Variants in RFX3 observed in about 807,000 individuals in gnomAD.
The protein encoded by RFX3 is regulatory factor X3.
A neutral mutation model predicts 98.6 loss-of-function variants in RFX3; 14 were observed. The ratio of observed to expected loss-of-function variants is 0.14; its 90% CI spans 0.09 to 0.22. The LOEUF is 0.22. RFX3 is among the 10% of genes least tolerant of loss of function. The pLI, the probability that RFX3 is intolerant of heterozygous loss-of-function variation, is 1.00. For missense variants in RFX3, 639 were observed against 926.9 expected, an observed-to-expected ratio of 0.69 and a Z score of 4.03; for synonymous variants, 383 against 328.4, an observed-to-expected ratio of 1.17 and a Z score of -1.80.
intron 14 of RFX3, among the ~76,000 whole-genome samples, chr9:3,248,761 C>G (rs970992428): frequency 3.9e-5 from 6 of 152,118 alleles, no homozygotes; most frequent in African/African-American, 1.4e-4. Context: ...TTTCCAGTTT[C>G]TTAATGATTT....
intron 15 of RFX3, among the ~76,000 whole-genome samples, chr9:3,239,752 G>T (rs953893011): frequency 1.3e-5 from 2 of 152,226 alleles, no homozygotes. Context: ...ACTCTGCTTT[G>T]TGTTTTCCAT....
At chr9:3,311,940 C>T (rs1360563050) in intron 4 of RFX3, among the ~76,000 whole-genome samples, 1 of 152,122 alleles carries the variant, frequency 6.6e-6, no homozygotes, top group Non-Finnish European at 1.5e-5. Context: ...ACAATGGAGA[C>T]TCTGTCCCCA....
At chr9:3,492,468 T>C (rs2133525764) in intron 1 of RFX3, among the ~76,000 whole-genome samples, 1 of 152,346 alleles carries the variant, frequency 6.6e-6, no homozygotes, top group Middle Eastern at 3.4e-3. Context: ...CCCAGGGCCA[T>C]GCTCCCCGAG....
chr9:3,289,545 G>A (rs1465709059), intron 6 of RFX3, among the ~76,000 whole-genome samples: 7 of 152,086 alleles, frequency 4.6e-5, no homozygotes, highest in South Asian at 2.1e-4. Flanking sequence ...GTAGAGGTAC[G>A]GTAGGAAGCA....
In RFX3 at chr9:3,345,193, T is replaced by G. The variant is rs568971119; in HGVS notation, c.215+1474A>C. On this transcript the variant is annotated intron_variant, in intron 3 of 16. Coordinates refer to ENST00000617270, the MANE Select transcript of RFX3 (RefSeq NM_001282116.2). ...ATGTCACAAAGAAGGGAGTGACATGTCTGTCTATAAAGATCACACTAGACT... is the reference window on the plus strand; with the variant it reads ...ATGTCACAAAGAAGGGAGTGACATGGCTGTCTATAAAGATCACACTAGACT... Among the ~76,000 whole-genome samples, 3 of 152,138 alleles carry G rather than the reference T, an allele frequency of 2.0e-5. No homozygotes were observed. The East Asian group carries it at 5.8e-4, about 29-fold the overall frequency.
chr9:3,329,748 A>G (rs1832369936), intron 4 of RFX3, among the ~76,000 whole-genome samples: 2 of 152,340 alleles, frequency 1.3e-5, no homozygotes, highest in East Asian at 1.9e-4. Context: ...TAATAATAAT[A>G]CAGGTGGCAT....
intron 3 of RFX3, among the ~76,000 whole-genome samples, chr9:3,342,005 G>T (rs115820442): frequency 2.1e-4 from 32 of 152,316 alleles, no homozygotes; most frequent in African/African-American, 7.7e-4. Context: ...GAGATTGAGA[G>T]ATTGAAGAAA....
At chr9:3,228,233 CT>C (rs1269287783) in intron 16 of RFX3, among the ~76,000 whole-genome samples, 1 of 152,196 alleles carries the variant, frequency 6.6e-6, no homozygotes, top group Non-Finnish European at 1.5e-5. Flanking sequence ...CTATCTCCCC[CT>C]AAGTCCACCT....
intron 1 of RFX3, among the ~76,000 whole-genome samples, chr9:3,517,854 G>A (rs1203213839): frequency 6.6e-6 from 1 of 152,094 alleles, no homozygotes; most frequent in East Asian, 1.9e-4. Context: ...ATAGACTATC[G>A]GAAATGGTAA....
At chr9:3,410,209 G>GTGTGTGTGT (rs55715321) in intron 1 of RFX3, among the ~76,000 whole-genome samples, 83 of 148,566 alleles carry the variant, frequency 5.6e-4, no homozygotes, top group South Asian at 1.3e-3. Context: ...GTGTGTGTGT[G>GTGTGTGTGT]GCGCTATCAA....
intron 1 of RFX3, among the ~76,000 whole-genome samples, chr9:3,523,994 C>T (rs185898940): frequency 6.6e-6 from 1 of 152,098 alleles, no homozygotes; most frequent in Non-Finnish European, 1.5e-5. Context: ...AATTACCCAC[C>T]CTGCTCGTTG....
At chr9:3,430,838 A>G (rs1299466816) in intron 1 of RFX3, among the ~76,000 whole-genome samples, 1 of 152,158 alleles carries the variant, frequency 6.6e-6, no homozygotes, top group East Asian at 1.9e-4. Context: ...GAAATATCAA[A>G]AAATTAAGAT....
intron 1 of RFX3, among the ~76,000 whole-genome samples, chr9:3,405,362 C>T (rs1478881631): frequency 6.6e-6 from 1 of 152,106 alleles, no homozygotes; most frequent in Non-Finnish European, 1.5e-5. Flanking sequence ...TAACTCTAGT[C>T]AATAATCCTT....
chr9:3,226,064 A>G (rs1434765938), intron 16 of RFX3, among the ~76,000 whole-genome samples: 1 of 152,202 alleles, frequency 6.6e-6, no homozygotes, highest in East Asian at 1.9e-4. Context: ...TGCACTGTTA[A>G]AATTCAAAAG....
chr9:3,415,551 C>T (rs899685582), intron 1 of RFX3, among the ~76,000 whole-genome samples: 3 of 152,108 alleles, frequency 2.0e-5, no homozygotes, highest in Non-Finnish European at 4.4e-5. Flanking sequence ...TGGGAAAGAT[C>T]CCAAGAAGAG....
chr9:3,498,288 T>C (rs1851252834), intron 1 of RFX3, among the ~76,000 whole-genome samples: 1 of 152,118 alleles, frequency 6.6e-6, no homozygotes, highest in Non-Finnish European at 1.5e-5. Context: ...ATAAATTCTG[T>C]GCTCCACTAC....
At chr9:3,288,468 T>G (rs1168428202) in intron 6 of RFX3, among the ~76,000 whole-genome samples, 1 of 152,066 alleles carries the variant, frequency 6.6e-6, no homozygotes, top group Admixed American at 6.6e-5. Flanking sequence ...CTAAAGGCCC[T>G]GCTAAAAATA....
At chr9:3,264,131 C>G (rs890574262) in intron 12 of RFX3, among the ~76,000 whole-genome samples, 1 of 152,080 alleles carries the variant, frequency 6.6e-6, no homozygotes, top group Non-Finnish European at 1.5e-5. Flanking sequence ...TTTATCCCCA[C>G]CGTTGGATGC....
chr9:3,503,071 G>A (rs1364591536), intron 1 of RFX3, among the ~76,000 whole-genome samples: 1 of 152,038 alleles, frequency 6.6e-6, no homozygotes, highest in Non-Finnish European at 1.5e-5. Flanking sequence ...TAAACACAAC[G>A]GTGGTACAAA....
Sources: gnomAD v4.1 joint callset for allele counts (sites outside exome capture counted in the v4.1 genomes callset) on GRCh38, gnomAD v4.1.1 for gene constraint, MANE v1.5 for transcripts, NCBI Gene and HGNC (gene_info 2026-07-23, HGNC 2026-07-21) for gene names.